Variants in FAM120B observed in about 807,000 individuals in gnomAD.
FAM120B encodes family with sequence similarity 120 member B.
In FAM120B, 83 loss-of-function variants were observed where a neutral mutation model predicts 96.3. The observed-to-expected ratio is 0.86, with a 90% CI of 0.72 to 1.03. The LOEUF is 1.03. Among genes scored for constraint, FAM120B ranks in the 50% least tolerant of loss-of-function variants. The pLI, the probability that FAM120B is intolerant of heterozygous loss-of-function variation, is 0.00. For synonymous variants in FAM120B, 407 were observed against 402.7 expected (o/e 1.01, Z -0.13); for missense variants, 1,027 against 1,121.2 (o/e 0.92, Z 1.20).
intron 4 of FAM120B, among the ~76,000 whole-genome samples, chr6:170,335,046 G>GTT (rs548519365): frequency 1.3e-4 from 18 of 134,056 alleles, no homozygotes; most frequent in African/African-American, 3.3e-4. Flanking sequence ...TTTTTTTTTT[G>GTT]TTTTTTTTTT....
intron 1 of FAM120B, among the ~76,000 whole-genome samples, chr6:170,311,903 C>A (rs9366136): frequency 0.1 from 15,934 of 152,250 alleles, 1,038 homozygotes; most frequent in East Asian, 0.2. Context: ...CGTGACTCAG[C>A]AGCTTCCTAA....
chr6:170,296,508 A>G (rs962141437), intron 1 of FAM120B, among the ~76,000 whole-genome samples: 1 of 151,726 alleles, frequency 6.6e-6, no homozygotes, highest in Non-Finnish European at 1.5e-5. Context: ...GGCCCCACGC[A>G]GCCTCGCGCC....
At chr6:170,306,279 C>T (rs910797113), upstream of FAM120B, among the ~76,000 whole-genome samples, 18 of 152,102 alleles carry the variant, frequency 1.2e-4, no homozygotes, top group Non-Finnish European at 1.5e-5. Flanking sequence ...AAGCGCGCGG[C>T]GGGTCCCCTG....
intron 9 of FAM120B, among the ~76,000 whole-genome samples, chr6:170,398,175 C>A (rs1457364613): frequency 4.6e-5 from 7 of 152,242 alleles, no homozygotes; most frequent in Non-Finnish European, 7.3e-5. Flanking sequence ...TCGCCACAGG[C>A]AACGCACTGA....
At chr6:170,382,844 A>G (rs9459996) in intron 6 of FAM120B, among the ~76,000 whole-genome samples, 3,522 of 152,334 alleles carry the variant, frequency 0.023, 159 homozygotes, top group African/African-American at 0.081. Context: ...CACGAAAATA[A>G]TCTTGAAAAA....
intron 9 of FAM120B, among the ~76,000 whole-genome samples, chr6:170,401,625 A>G (rs1778589302): frequency 6.6e-6 from 1 of 152,186 alleles, no homozygotes. Context: ...CTGTAATAGT[A>G]TAAGCTACTG....
In FAM120B at chr6:170,295,844, C is replaced by T. The variant is rs1372875080; in HGVS notation, c.48+391C>T. Among the ~76,000 whole-genome samples, 2 of 152,078 alleles carry T rather than the reference C, an allele frequency of 1.3e-5. No homozygotes were observed. Among genetic ancestry groups the T allele is most frequent in the Non-Finnish European group, 2.9e-5 (2 of 67,980 alleles). On this transcript the variant is annotated intron_variant, in intron 1 of 10. Transcript: ENST00000537664. This position sits in a 1 kb window ranked among gnomAD's most constrained non-coding sequence, Gnocchi z 7.8. ...GGGCCCGCGAGACGCCCACCTCTCG[C>T]GTGCGTGGAGCCCGGGGCCGAGGCC...
intron 5 of FAM120B, among the ~76,000 whole-genome samples, chr6:170,355,101 A>T (rs1787818435): frequency 6.6e-6 from 1 of 152,214 alleles, no homozygotes; most frequent in Admixed American, 6.5e-5. Context: ...AGAAACAGGA[A>T]CACTTTTACA....
chr6:170,320,940 G>A (rs750936491), intron 2 of FAM120B, among the ~76,000 whole-genome samples: 10 of 152,308 alleles, frequency 6.6e-5, no homozygotes, highest in Middle Eastern at 3.4e-3. Flanking sequence ...CTAGACATAG[G>A]GACTTGGGTC....
intron 8 of FAM120B, among the ~76,000 whole-genome samples, chr6:170,393,268 C>T (rs569567739): frequency 3.3e-5 from 5 of 151,908 alleles, no homozygotes; most frequent in African/African-American, 9.7e-5. Context: ...AGATGCTGGA[C>T]GCTGCTGCTT....
At chr6:170,338,826 G>C (rs896592192) in intron 4 of FAM120B, among the ~76,000 whole-genome samples, 4 of 145,378 alleles carry the variant, frequency 2.8e-5, no homozygotes, top group Non-Finnish European at 6.0e-5. Flanking sequence ...TAGTATTAGA[G>C]ACTAGCATTG....
At chr6:170,349,472 T>G (rs1369077949) in intron 5 of FAM120B, among the ~76,000 whole-genome samples, 21 of 152,266 alleles carry the variant, frequency 1.4e-4, no homozygotes. Flanking sequence ...CTAAATGTCC[T>G]CTTGGGTCTG....
intron 1 of FAM120B, among the ~76,000 whole-genome samples, chr6:170,300,614 C>T (rs945873753): frequency 2.6e-5 from 4 of 152,188 alleles, no homozygotes; most frequent in Non-Finnish European, 5.9e-5. Flanking sequence ...CAAGTCTCTT[C>T]CACCTATAAG....
chr6:170,389,053 G>C (rs1012438924), intron 7 of FAM120B, among the ~76,000 whole-genome samples: 1 of 152,156 alleles, frequency 6.6e-6, no homozygotes, highest in Non-Finnish European at 1.5e-5. Context: ...CACATTGAGT[G>C]GGCTGAGAAG....
rs28432148 is a variant in FAM120B at position 170,399,327 on chromosome 6, A to G, written c.2692+3748A>G. On this transcript the variant is annotated intron_variant, in intron 9 of 10. Transcript: ENST00000476287. ...ATGTCATAACTCTTAGGAGTGAGTG[A>G]GAAAGGTAGAACTATGTCATAACCC... Among the ~76,000 whole-genome samples, 47 of 141,970 alleles carry G rather than the reference A, an allele frequency of 3.3e-4. No homozygotes were observed. In the East Asian group the frequency reaches 7.4e-3, roughly 22 times the overall value. 93.1% of individuals were successfully genotyped at this position (141,970 alleles called of 152,430 possible). A position where few individuals can be genotyped will look rare whatever the true frequency, so the allele number is the denominator to read the frequency against.
In FAM120B at chr6:170,391,021, G is replaced by T; in HGVS notation, c.2499G>T (p.Arg833=). 6.2e-7 allele frequency: 1 copy of T among 1,613,962 alleles called. No homozygotes were observed. Among genetic ancestry groups the T allele is most frequent in the Non-Finnish European group, 8.5e-7 (1 of 1,179,944 alleles). The part of the protein sequence containing the change: ...VEVLLEQNRS[R]LTKFHNLKAV... ...ATCTGGTCTGTTTGCAGAGATCTCG[G>T]CTCACCAAATTCCACAACCTGAAGG... Residue 833 remains arginine, a synonymous_variant, in exon 8 of 11, where the codon CGG becomes CGT. Coordinates refer to ENST00000476287, the MANE Select transcript of FAM120B (RefSeq NM_032448.3).
chr6:170,323,782 C>G (rs9356641), intron 3 of FAM120B, among the ~76,000 whole-genome samples: 4 of 151,980 alleles, frequency 2.6e-5, no homozygotes, highest in Non-Finnish European at 5.9e-5. Flanking sequence ...GAGTAGAGAG[C>G]GGACCATCAA....
upstream of FAM120B, chr6:170,295,288 C>T (rs947122637): frequency 1.5e-6 from 1 of 651,088 alleles, no homozygotes; most frequent in East Asian, 2.9e-5. This position sits in a 1 kb window ranked among gnomAD's most constrained non-coding sequence, Gnocchi z 7.8. Flanking sequence ...TGCCCAGCCA[C>T]GCCCACCCAA....
chr6:170,369,965 A>C (rs1197779026), intron 6 of FAM120B, among the ~76,000 whole-genome samples: 3 of 152,240 alleles, frequency 2.0e-5, no homozygotes, highest in African/African-American at 7.2e-5. Flanking sequence ...TTCGTGAATA[A>C]GAATCTTTCA....
Sources: allele counts gnomAD v4.1 joint callset (sites outside exome capture counted in the v4.1 genomes callset), GRCh38; gene constraint gnomAD v4.1.1; non-coding constraint Gnocchi (gnomAD v3.1); transcripts MANE v1.5; gene names NCBI Gene and HGNC (gene_info 2026-07-23, HGNC 2026-07-21).